Variants in CHODL observed in about 807,000 individuals in gnomAD.
CHODL encodes transmembrane protein MT75.
A neutral mutation model predicts 34.5 loss-of-function variants in CHODL; 29 were observed. The ratio of observed to expected loss-of-function variants is 0.84; its 90% CI spans 0.63 to 1.15. The LOEUF (loss-of-function observed/expected upper bound fraction) is 1.15, where lower values mean the gene tolerates loss of function less well. Among genes scored for constraint, CHODL ranks in the 50% most tolerant of loss-of-function variants. CHODL has a pLI of 0.00. For missense variants in CHODL, 332 were observed against 332.5 expected, an observed-to-expected ratio of 1.00 and a Z score of 0.01; for synonymous variants, 125 against 116.1, an observed-to-expected ratio of 1.08 and a Z score of -0.49.
At chr21:18,023,256 C>T (rs1444730633) in intron 1 of CHODL, among the ~76,000 whole-genome samples, 1 of 152,012 alleles carries the variant, frequency 6.6e-6, no homozygotes, top group Non-Finnish European at 1.5e-5. Context: ...AAAGAGATTC[C>T]CCAGCTGGAG....
chr21:18,057,075 C>T (rs2064591384), intron 2 of CHODL, among the ~76,000 whole-genome samples: 1 of 152,060 alleles, frequency 6.6e-6, no homozygotes, highest in African/African-American at 2.4e-5. Context: ...ATGTCATTAT[C>T]TTCAGATATT....
chr21:18,050,268 A>T (rs1036557084), intron 2 of CHODL, among the ~76,000 whole-genome samples: 19 of 83,370 alleles, frequency 2.3e-4, no homozygotes, highest in African/African-American at 1.6e-3. Context: ...AAGTCAAATG[A>T]GATCCTTGAA....
intron 2 of CHODL, among the ~76,000 whole-genome samples, chr21:18,166,562 A>T (rs765695517): frequency 6.6e-6 from 1 of 152,168 alleles, no homozygotes; most frequent in Non-Finnish European, 1.5e-5. Flanking sequence ...ACATTTCTCC[A>T]TTAAACAATG....
At chr21:18,024,204 T>C (rs1284738945) in intron 1 of CHODL, among the ~76,000 whole-genome samples, 3 of 152,230 alleles carry the variant, frequency 2.0e-5, no homozygotes. Context: ...AAAACCTAAA[T>C]GTTTAGAATA....
chr21:18,064,615 C>T (rs576998753), intron 2 of CHODL, among the ~76,000 whole-genome samples: 94 of 152,144 alleles, frequency 6.2e-4, no homozygotes, highest in Non-Finnish European at 1.2e-3. Flanking sequence ...CATTGGTTCT[C>T]CAGTTTCTCA....
chr21:18,013,635 C>CTTTTTTTTTTGTTTTTTTTTTTTTTTTTT (rs2064041223), intron 1 of CHODL, among the ~76,000 whole-genome samples: 1 of 71,896 alleles, frequency 1.4e-5, no homozygotes, highest in African/African-American at 6.3e-5. Context: ...GCTGCTGCTG[C>CTTTTTTTTTTGTTTTTTTTTTTTTTTTTT]TTTTTTTTTT....
rs1379067175 is a variant in CHODL, at chr21:17,954,610, C to T, written c.-145+37210C>T. Among the ~76,000 whole-genome samples the T allele has an allele frequency of 3.7e-5, 5 of 135,554 alleles. 2 individuals carry two copies. Among genetic ancestry groups the T allele is most frequent in the Admixed American group, 2.2e-4 (3 of 13,678 alleles). The allele number at this position is 135,554 out of a possible 152,430, so 88.9% of individuals were successfully genotyped here. A position where few individuals can be genotyped will look rare whatever the true frequency, so the allele number is the denominator to read the frequency against. On this transcript the variant is annotated intron_variant, in intron 1 of 6. Transcript: ENST00000400127. ...TCTCCTGCATTGGACTGTGTTTATA[C>T]CATCAGTGCAGCTGGTCCTCAGGCC...
At chr21:17,983,622 C>T (rs1198151264) in intron 1 of CHODL, among the ~76,000 whole-genome samples, 1 of 152,024 alleles carries the variant, frequency 6.6e-6, no homozygotes, top group Non-Finnish European at 1.5e-5. Flanking sequence ...ATTTCCTTTA[C>T]TACAGATTGA....
intron 2 of CHODL, among the ~76,000 whole-genome samples, chr21:18,113,655 G>C (rs1203644427): frequency 1.3e-5 from 2 of 152,054 alleles, no homozygotes; most frequent in Admixed American, 6.6e-5. Flanking sequence ...GAATAGCAAG[G>C]GGGGAATCCA....
chr21:18,187,526 T>C (rs1031044937), intron 2 of CHODL, among the ~76,000 whole-genome samples: 2 of 152,244 alleles, frequency 1.3e-5, no homozygotes, highest in Non-Finnish European at 2.9e-5. Flanking sequence ...TATAGTTTAC[T>C]GTTTCCTTCT....
At chr21:18,215,935 G>A (rs1032620796) in intron 2 of CHODL, among the ~76,000 whole-genome samples, 1 of 152,110 alleles carries the variant, frequency 6.6e-6, no homozygotes, top group Non-Finnish European at 1.5e-5. Flanking sequence ...CTCCATTTAA[G>A]CAATTAACAA....
chr21:18,037,393 G>A (rs1222210359), intron 2 of CHODL, among the ~76,000 whole-genome samples: 2 of 151,878 alleles, frequency 1.3e-5, no homozygotes, highest in Non-Finnish European at 2.9e-5. Context: ...AGATGGGATA[G>A]ATCCTAAAAT....
At chr21:17,932,359 A>G (rs2063280860) in intron 1 of CHODL, among the ~76,000 whole-genome samples, 1 of 152,214 alleles carries the variant, frequency 6.6e-6, no homozygotes, top group Non-Finnish European at 1.5e-5. Context: ...TGTTTGTGGG[A>G]ATGTAAATTA....
intron 2 of CHODL, among the ~76,000 whole-genome samples, chr21:18,059,172 C>T (rs2064623662): frequency 6.6e-6 from 1 of 152,136 alleles, no homozygotes; most frequent in African/African-American, 2.4e-5. Context: ...GGAAAGCTGT[C>T]CCTCTCTCTC....
At chr21:18,261,884 C>T (rs1304823705) in intron 4 of CHODL, among the ~76,000 whole-genome samples, 3 of 151,932 alleles carry the variant, frequency 2.0e-5, no homozygotes, top group African/African-American at 7.3e-5. Flanking sequence ...GCTGGAGTCT[C>T]GTGTCTCTGA....
chr21:18,251,943 T>TA (rs1201757989), intron 1 of CHODL, among the ~76,000 whole-genome samples: 1 of 151,640 alleles, frequency 6.6e-6, no homozygotes, highest in Non-Finnish European at 1.5e-5. Context: ...AATAAATGCT[T>TA]AAAAATCCAG....
At chr21:17,936,785 A>T (rs897115838) in intron 1 of CHODL, among the ~76,000 whole-genome samples, 3 of 152,100 alleles carry the variant, frequency 2.0e-5, no homozygotes, top group African/African-American at 7.2e-5. Flanking sequence ...TTAAAATTTT[A>T]GAAGGAAGGG....
chr21:18,249,051 A>G (rs1187366840), intron 1 of CHODL, among the ~76,000 whole-genome samples: 1 of 115,550 alleles, frequency 8.7e-6, no homozygotes, highest in East Asian at 2.2e-4. Context: ...TATTATATAT[A>G]TTATATATAA....
At chr21:18,108,224 G>T (rs747658178) in intron 2 of CHODL, among the ~76,000 whole-genome samples, 1 of 151,744 alleles carries the variant, frequency 6.6e-6, no homozygotes, top group Non-Finnish European at 1.5e-5. Flanking sequence ...TCTGCTGGAA[G>T]GTCACGGTTG....
Sources: gnomAD v4.1 joint callset for allele counts (sites outside exome capture counted in the v4.1 genomes callset) on GRCh38, gnomAD v4.1.1 for gene constraint, MANE v1.5 for transcripts, NCBI Gene and HGNC (gene_info 2026-07-23, HGNC 2026-07-21) for gene names.